RAB23: variants seen among roughly 807,000 people sequenced by gnomAD.
The protein encoded by RAB23 is ras-related protein Rab-23.
A neutral mutation model predicts 30.0 loss-of-function variants in RAB23; 15 were observed. The observed-to-expected ratio is 0.50, with a 90% CI of 0.33 to 0.77. RAB23 has a LOEUF of 0.77. RAB23 is among the 30% of genes least tolerant of loss of function. The pLI is 0.02. For missense variants in RAB23, 243 were observed against 275.4 expected (o/e 0.88, Z 0.83); for synonymous variants, 93 against 94.0 (o/e 0.99, Z 0.06).
chr6:57,213,349 TATC>T (rs1765722140), intron 1 of RAB23, among the ~76,000 whole-genome samples: 1 of 152,048 alleles, frequency 6.6e-6, no homozygotes, highest in South Asian at 2.1e-4. Flanking sequence ...GGACATCAAG[TATC>T]ATCATCCTAT....
intron 1 of RAB23, among the ~76,000 whole-genome samples, chr6:57,219,118 T>A (rs1765957056): frequency 6.6e-6 from 1 of 152,192 alleles, no homozygotes; most frequent in Non-Finnish European, 1.5e-5. Context: ...AACCAAACCC[T>A]GAACTAATGA....
Position 57,207,562 on chromosome 6 carries a change from C to A in RAB23, c.241+66G>T, listed in dbSNP as rs1593221435. The A allele has an allele frequency of 4.2e-5, 50 of 1,190,664 alleles. No individual in the cohort carries two copies. The East Asian group carries it at 1.1e-3, about 26-fold the overall frequency. The allele number at this position is 1,190,664 out of a possible 1,614,324, so 73.8% of individuals were successfully genotyped here. On this transcript the variant is annotated intron_variant, in intron 3 of 6. Coordinates refer to ENST00000468148, the MANE Select transcript of RAB23 (RefSeq NM_016277.5). ...GCCCTTATACGGGAAACAAAGAAAG[C>A]AAAATTATTTATTTAGCCAAAATAA... is the stretch of plus-strand genomic sequence containing the variant.
chr6:57,207,376 A>G (rs1263780097), intron 3 of RAB23, among the ~76,000 whole-genome samples: 3 of 152,130 alleles, frequency 2.0e-5, no homozygotes, highest in Non-Finnish European at 4.4e-5. Flanking sequence ...TTTCTTAATG[A>G]TTTGGTCTGG....
In RAB23 at chr6:57,200,762, A is replaced by T. The variant is rs77909789; in HGVS notation, c.242-4156T>A. On this transcript the variant is annotated intron_variant, in intron 3 of 6. Transcript: ENST00000468148. ...TGATGCCTTGATTCAAGCCTGAGAA[A>T]AATGCAATGGGTGAGAGTGAGAGTG... 3.8e-3 allele frequency among the ~76,000 whole-genome samples: 572 copies of T among 152,170 alleles called. 18 individuals are homozygous for T. Among genetic ancestry groups the T allele is most frequent in the Admixed American group, 0.034 (514 of 15,288 alleles).
At chr6:57,193,456 T>TA (rs1764914629) in intron 6 of RAB23, among the ~76,000 whole-genome samples, 1 of 152,200 alleles carries the variant, frequency 6.6e-6, no homozygotes, top group African/African-American at 2.4e-5. Context: ...CAGAGAATGC[T>TA]AAAGTTTTGC....
At chr6:57,214,841 T>C (rs1296221055) in intron 1 of RAB23, among the ~76,000 whole-genome samples, 1 of 151,888 alleles carries the variant, frequency 6.6e-6, no homozygotes, top group African/African-American at 2.4e-5. Context: ...AGACAATCAA[T>C]AGACACTAGC....
chr6:57,218,190 C>T (rs977477497), intron 1 of RAB23, among the ~76,000 whole-genome samples: 3 of 152,104 alleles, frequency 2.0e-5, no homozygotes, highest in Non-Finnish European at 2.9e-5. Flanking sequence ...AGAATAGAGA[C>T]GAGGAAACAC....
intron 6 of RAB23, 26 bp downstream of exon 6, chr6:57,193,816 T>C (rs761197617): frequency 6.2e-7 from 1 of 1,609,988 alleles, no homozygotes; most frequent in South Asian, 1.1e-5. Context: ...CAAGTAAACA[T>C]GGGCTAAAAT....
chr6:57,217,189 T>A (rs1305778496), intron 1 of RAB23, among the ~76,000 whole-genome samples: 1 of 145,032 alleles, frequency 6.9e-6, no homozygotes, highest in Non-Finnish European at 1.5e-5. Context: ...AATCCAGGAT[T>A]CAAAGTAGTA....
intron 1 of RAB23, among the ~76,000 whole-genome samples, chr6:57,215,197 T>C (rs114579768): frequency 2.0e-5 from 3 of 152,228 alleles, no homozygotes; most frequent in African/African-American, 4.8e-5. Context: ...ATTTCTGTCA[T>C]TGGAGTTCCA....
intron 1 of RAB23, among the ~76,000 whole-genome samples, chr6:57,219,093 C>T (rs555015401): frequency 9.4e-4 from 143 of 152,200 alleles, no homozygotes; most frequent in Non-Finnish European, 1.6e-3. Flanking sequence ...CCATGGAATC[C>T]ACCAAAAATT....
chr6:57,211,317 G>A (rs577783207), intron 1 of RAB23, among the ~76,000 whole-genome samples: 5 of 152,116 alleles, frequency 3.3e-5, no homozygotes, highest in Admixed American at 2.0e-4. Context: ...TAAATTAGCC[G>A]AGTGTAGTGG....
At position 57,187,107 on chromosome 6, in the gene RAB23, T is replaced by C. The variant is rs1764631025; in HGVS notation, c.*3354A>G. ...GTAACTGCAACCAAATAGCAATACA[T>C]ACAAGTGGTTTTCCATTCAAATTTA... On this transcript the variant is annotated 3_prime_UTR_variant, in exon 7 of 7. Transcript: ENST00000468148. The C allele has an allele frequency of 6.6e-6, 1 of 152,196 alleles. No homozygotes were observed. The highest frequency in any genetic ancestry group is 6.5e-5 in the Admixed American group (1 of 15,284). The allele number at this position is 152,196 out of a possible 1,614,324, so 9.4% of individuals were successfully genotyped here.
chr6:57,211,904 C>T (rs1593225189), intron 1 of RAB23, among the ~76,000 whole-genome samples: 1 of 152,226 alleles, frequency 6.6e-6, no homozygotes, highest in South Asian at 2.1e-4. Flanking sequence ...ACAACCACTA[C>T]ACCAAGGGAG....
intron 3 of RAB23, among the ~76,000 whole-genome samples, chr6:57,197,023 GCTT>G (rs1483695815): frequency 1.3e-5 from 2 of 151,958 alleles, no homozygotes; most frequent in East Asian, 3.8e-4. Context: ...TTGTTAATTT[GCTT>G]CTTAATTTCT....
chr6:57,209,954 C>T (rs1765589691), intron 2 of RAB23, among the ~76,000 whole-genome samples: 1 of 151,102 alleles, frequency 6.6e-6, no homozygotes, highest in Admixed American at 6.6e-5. Context: ...TTAAGACGTG[C>T]CCAAGGTGTC....
intron 1 of RAB23, 140 bp from the exon 2 acceptor site, chr6:57,210,585 T>G: frequency 3.2e-6 from 2 of 625,388 alleles, no homozygotes. Context: ...TTAGATAATG[T>G]AAACTCTTTG....
chr6:57,201,195 T>C (rs1421517791), intron 3 of RAB23, among the ~76,000 whole-genome samples: 1 of 151,856 alleles, frequency 6.6e-6, no homozygotes, highest in Non-Finnish European at 1.5e-5. Context: ...GCAATTCTCC[T>C]GCCTCAGCCT....
At chr6:57,208,236 T>C (rs1593222098) in intron 2 of RAB23, among the ~76,000 whole-genome samples, 1 of 152,180 alleles carries the variant, frequency 6.6e-6, no homozygotes. Flanking sequence ...GTAGTGGTGG[T>C]CTAAGATTAA....
Sources: gnomAD v4.1 joint callset for allele counts (sites outside exome capture counted in the v4.1 genomes callset) on GRCh38, gnomAD v4.1.1 for gene constraint, MANE v1.5 for transcripts, NCBI Gene and HGNC (gene_info 2026-07-23, HGNC 2026-07-21) for gene names.